CNTN5: variants seen among roughly 807,000 people sequenced by gnomAD.
The protein encoded by CNTN5 is contactin-5.
Under a neutral mutation model 129.1 loss-of-function variants are expected in CNTN5, and 77 were observed. The ratio of observed to expected loss-of-function variants is 0.60; its 90% CI spans 0.50 to 0.72. CNTN5 has a LOEUF of 0.72. Among genes scored for constraint, CNTN5 ranks in the 30% least tolerant of loss-of-function variants. CNTN5 has a pLI of 0.00. For missense variants in CNTN5, 1,478 were observed against 1,328.8 expected, an observed-to-expected ratio of 1.11 and a Z score of -1.75; for synonymous variants, 509 against 465.6, an observed-to-expected ratio of 1.09 and a Z score of -1.20.
chr11:99,925,035 T>A (rs886543225), intron 7 of CNTN5, among the ~76,000 whole-genome samples: 2 of 152,148 alleles, frequency 1.3e-5, no homozygotes, highest in Non-Finnish European at 2.9e-5. Flanking sequence ...GATATAAATC[T>A]CCAGTTCTTG....
intron 2 of CNTN5, among the ~76,000 whole-genome samples, chr11:99,420,765 T>C (rs1409016822): frequency 2.0e-5 from 3 of 152,226 alleles, no homozygotes; most frequent in Admixed American, 6.5e-5. Flanking sequence ...TGTGGTTACA[T>C]AAGAAAATAT....
At chr11:99,092,336 G>A (rs1327343627) in intron 1 of CNTN5, among the ~76,000 whole-genome samples, 1 of 152,006 alleles carries the variant, frequency 6.6e-6, no homozygotes, top group Non-Finnish European at 1.5e-5. Flanking sequence ...GATATACAGA[G>A]TACTTGGGTA....
intron 1 of CNTN5, among the ~76,000 whole-genome samples, chr11:99,319,402 G>A (rs892883906): frequency 1.3e-5 from 2 of 152,112 alleles, no homozygotes; most frequent in African/African-American, 4.8e-5. Flanking sequence ...CCCCATAAAA[G>A]CCTTCTCTGA....
intron 3 of CNTN5, among the ~76,000 whole-genome samples, chr11:99,592,640 GAAAGA>G (rs1002850564): frequency 2.4e-4 from 37 of 151,852 alleles, no homozygotes; most frequent in Middle Eastern, 6.8e-3. Context: ...AGACAAAAAA[GAAAGA>G]AAAGAAAAGG....
intron 1 of CNTN5, among the ~76,000 whole-genome samples, chr11:99,321,908 G>A (rs1391856593): frequency 2.0e-5 from 3 of 152,102 alleles, no homozygotes; most frequent in African/African-American, 7.2e-5. Context: ...GTGTCAGTGT[G>A]CTTATACTAC....
chr11:99,128,279 C>T (rs749670358), intron 1 of CNTN5, among the ~76,000 whole-genome samples: 13 of 152,144 alleles, frequency 8.5e-5, no homozygotes, highest in Non-Finnish European at 1.6e-4. Context: ...ACTACTGTGG[C>T]TCTAGTAGGC....
chr11:99,816,574 T>C (rs1219698017), intron 3 of CNTN5, among the ~76,000 whole-genome samples: 1 of 152,150 alleles, frequency 6.6e-6, no homozygotes, highest in Non-Finnish European at 1.5e-5. Flanking sequence ...AAACCAATAA[T>C]CTTATTTACT....
chr11:99,901,790 G>A (rs1179611445), intron 6 of CNTN5, among the ~76,000 whole-genome samples: 1 of 152,070 alleles, frequency 6.6e-6, no homozygotes, highest in African/African-American at 2.4e-5. Context: ...ACTGTTATTT[G>A]GTATACATGG....
intron 13 of CNTN5, among the ~76,000 whole-genome samples, chr11:100,184,132 A>G (rs1948224413): frequency 6.6e-6 from 1 of 151,948 alleles, no homozygotes; most frequent in Admixed American, 6.6e-5. Context: ...ATTTCCTGGC[A>G]CTCTCTACTA....
chr11:100,219,634 A>T (rs986254536), intron 15 of CNTN5, among the ~76,000 whole-genome samples: 7 of 152,332 alleles, frequency 4.6e-5, no homozygotes, highest in African/African-American at 9.6e-5. Context: ...GACTTAAATT[A>T]TTAGAATATG....
chr11:100,350,939 A>G, intron 24 of CNTN5, 69 bp downstream of exon 24: 1 of 1,179,500 alleles, frequency 8.5e-7, no homozygotes, highest in Admixed American at 2.5e-5. Context: ...AAAGTCACGA[A>G]AATTGATGTG....
intron 15 of CNTN5, among the ~76,000 whole-genome samples, chr11:100,207,165 A>G (rs1392017674): frequency 3.9e-5 from 6 of 152,146 alleles, no homozygotes; most frequent in Admixed American, 3.9e-4. Flanking sequence ...ACTATTTAAC[A>G]TGATAAGCTT....
At chr11:99,927,775 T>C (rs922544756) in intron 7 of CNTN5, among the ~76,000 whole-genome samples, 2 of 152,098 alleles carry the variant, frequency 1.3e-5, no homozygotes, top group Non-Finnish European at 2.9e-5. Flanking sequence ...CAAATCATAT[T>C]ATTCCACCTC....
At chr11:99,355,215 C>T (rs2136092241) in intron 2 of CNTN5, among the ~76,000 whole-genome samples, 1 of 152,230 alleles carries the variant, frequency 6.6e-6, no homozygotes, top group African/African-American at 2.4e-5. Context: ...TATTATTTGT[C>T]TGTTTACTGG....
chr11:99,854,732 G>C (rs1490871983), intron 6 of CNTN5, among the ~76,000 whole-genome samples: 1 of 152,064 alleles, frequency 6.6e-6, no homozygotes, highest in African/African-American at 2.4e-5. Flanking sequence ...AAAAATATTT[G>C]TTGGTGCTCA....
intron 1 of CNTN5, among the ~76,000 whole-genome samples, chr11:99,277,994 C>G (rs1365806524): frequency 6.6e-6 from 1 of 151,636 alleles, no homozygotes; most frequent in African/African-American, 2.4e-5. Flanking sequence ...CAGGTATAGA[C>G]TGGAGCACGG....
chr11:99,710,591 G>GCA (rs1954943329), intron 3 of CNTN5, among the ~76,000 whole-genome samples: 1 of 140,132 alleles, frequency 7.1e-6, no homozygotes, highest in Non-Finnish European at 1.6e-5. Context: ...GTGTGTGTGT[G>GCA]TGTGTGTGTG....
intron 3 of CNTN5, among the ~76,000 whole-genome samples, chr11:99,761,613 G>A (rs979821149): frequency 6.6e-6 from 1 of 151,954 alleles, no homozygotes; most frequent in African/African-American, 2.4e-5. Context: ...TTTTATGGCT[G>A]CATAGTATTC....
intron 1 of CNTN5, among the ~76,000 whole-genome samples, chr11:99,167,103 C>G (rs1860911524): frequency 6.6e-6 from 1 of 151,960 alleles, no homozygotes; most frequent in Admixed American, 6.6e-5. Flanking sequence ...TGAAGTTTTA[C>G]AGCCAAATTT....
Sources: gnomAD v4.1 joint callset for allele counts (sites outside exome capture counted in the v4.1 genomes callset) on GRCh38, gnomAD v4.1.1 for gene constraint, MANE v1.5 for transcripts, NCBI Gene and HGNC (gene_info 2026-07-23, HGNC 2026-07-21) for gene names.